TSHZ2: variants seen among roughly 807,000 people sequenced by gnomAD.
TSHZ2 encodes teashirt homolog 2.
A neutral mutation model predicts 74.4 loss-of-function variants in TSHZ2; 21 were observed. The ratio of observed to expected loss-of-function variants is 0.28; its 90% CI spans 0.20 to 0.41. The LOEUF is 0.41. TSHZ2 is among the 10% of genes least tolerant of loss of function. The probability of loss-of-function intolerance (pLI) is 1.00; values close to 1 mark genes in which losing one functional copy is unlikely to be tolerated. For synonymous variants in TSHZ2, 540 were observed against 515.3 expected, an observed-to-expected ratio of 1.05 and a Z score of -0.65; for missense variants, 1,244 against 1,293.5, an observed-to-expected ratio of 0.96 and a Z score of 0.59.
intron 2 of TSHZ2, among the ~76,000 whole-genome samples, chr20:53,405,101 T>C (rs59544165): frequency 0.037 from 5,681 of 152,086 alleles, 348 homozygotes; most frequent in African/African-American, 0.13. Flanking sequence ...ATACAAAAAT[T>C]AGCCAGCTGT....
chr20:53,144,499 GTAA>G (rs1987489041), intron 1 of TSHZ2, among the ~76,000 whole-genome samples: 1 of 152,186 alleles, frequency 6.6e-6, no homozygotes, highest in African/African-American at 2.4e-5. Flanking sequence ...GGTTTCAGTA[GTAA>G]TAACAGCAAA....
At chr20:53,446,459 G>A (rs952421759) in intron 2 of TSHZ2, among the ~76,000 whole-genome samples, 9 of 149,386 alleles carry the variant, frequency 6.0e-5, no homozygotes, top group African/African-American at 1.5e-4. Context: ...CCTGTAGTCC[G>A]TCCCAGCTAC....
At chr20:53,130,730 C>T (rs57555441) in intron 1 of TSHZ2, among the ~76,000 whole-genome samples, 13 of 152,296 alleles carry the variant, frequency 8.5e-5, no homozygotes, top group Admixed American at 5.2e-4. Flanking sequence ...AGATCTCAGT[C>T]GCTGGATTCA....
chr20:53,165,518 A>G (rs1025197337), intron 1 of TSHZ2, among the ~76,000 whole-genome samples: 4 of 152,240 alleles, frequency 2.6e-5, no homozygotes, highest in African/African-American at 4.8e-5. Context: ...CAAAACTGAC[A>G]GGTACCTCAC....
chr20:53,325,956 T>C, intron 2 of TSHZ2, among the ~76,000 whole-genome samples: 1 of 152,100 alleles, frequency 6.6e-6, no homozygotes, highest in East Asian at 1.9e-4. Context: ...TAATTTTTTG[T>C]ATTTTTAGTT....
chr20:53,300,733 G>C (rs1991462982), intron 2 of TSHZ2, among the ~76,000 whole-genome samples: 1 of 152,150 alleles, frequency 6.6e-6, no homozygotes. Flanking sequence ...AAACACTCCA[G>C]TTTCAAATAT....
At chr20:53,305,668 C>G (rs543801197) in intron 2 of TSHZ2, among the ~76,000 whole-genome samples, 1 of 152,096 alleles carries the variant, frequency 6.6e-6, no homozygotes, top group South Asian at 2.1e-4. Flanking sequence ...CTGGGCACCA[C>G]GGATGTACAA....
At chr20:53,250,255 TTAAA>T (rs1990294762) in intron 1 of TSHZ2, among the ~76,000 whole-genome samples, 2 of 152,248 alleles carry the variant, frequency 1.3e-5, no homozygotes, top group South Asian at 4.1e-4. Flanking sequence ...TTTTCTTTCA[TTAAA>T]TAAGTATTCA....
chr20:52,994,152 C>A (rs559606701), intron 1 of TSHZ2, among the ~76,000 whole-genome samples: 32 of 152,234 alleles, frequency 2.1e-4, no homozygotes, highest in Non-Finnish European at 3.4e-4. Context: ...CATTGTTTTC[C>A]GGCCCCTGTG....
chr20:53,002,279 C>A (rs1055132480), intron 1 of TSHZ2, among the ~76,000 whole-genome samples: 1 of 152,198 alleles, frequency 6.6e-6, no homozygotes, highest in African/African-American at 2.4e-5. Context: ...ATCTACCTAG[C>A]CAGGGGTACC....
At chr20:53,051,475 A>ACACACACG (rs1421762175) in intron 1 of TSHZ2, among the ~76,000 whole-genome samples, 1 of 151,796 alleles carries the variant, frequency 6.6e-6, no homozygotes, top group East Asian at 1.9e-4. Flanking sequence ...ACACACACAC[A>ACACACACG]CACACACACA....
At chr20:53,293,017 G>A (rs1162818826) in intron 2 of TSHZ2, among the ~76,000 whole-genome samples, 1 of 152,160 alleles carries the variant, frequency 6.6e-6, no homozygotes, top group Non-Finnish European at 1.5e-5. Flanking sequence ...TAATTAGGTG[G>A]GTAGGGAGTT....
At chr20:53,422,142 G>A (rs1348464206) in intron 2 of TSHZ2, among the ~76,000 whole-genome samples, 6 of 152,104 alleles carry the variant, frequency 3.9e-5, no homozygotes, top group Non-Finnish European at 8.8e-5. Flanking sequence ...GGACTGCCGA[G>A]TTAAGGTTAT....
At chr20:53,481,702 C>T (rs1450400057) in intron 2 of TSHZ2, among the ~76,000 whole-genome samples, 1 of 152,178 alleles carries the variant, frequency 6.6e-6, no homozygotes, top group East Asian at 1.9e-4. Context: ...CCAAAAGCCC[C>T]CACCACTTCC....
intron 2 of TSHZ2, among the ~76,000 whole-genome samples, chr20:53,473,415 A>C (rs1170160831): frequency 7.1e-6 from 1 of 141,066 alleles, no homozygotes; most frequent in East Asian, 2.2e-4. Flanking sequence ...CTCACACGGC[A>C]GGGTATTCCA....
At chr20:53,452,905 C>G (rs1202740653) in intron 2 of TSHZ2, among the ~76,000 whole-genome samples, 2 of 152,152 alleles carry the variant, frequency 1.3e-5, no homozygotes, top group South Asian at 2.1e-4. Flanking sequence ...TGACTAGAAG[C>G]TTCTTGAAGG....
chr20:53,472,675 C>CA (rs1360365961), intron 2 of TSHZ2, among the ~76,000 whole-genome samples: 3 of 151,990 alleles, frequency 2.0e-5, no homozygotes, highest in Admixed American at 6.6e-5. Flanking sequence ...CGAATAGGAA[C>CA]AGCTCCAGTC....
chr20:53,288,439 T>C (rs1991212517), intron 2 of TSHZ2, among the ~76,000 whole-genome samples: 3 of 152,060 alleles, frequency 2.0e-5, no homozygotes, highest in African/African-American at 7.2e-5. Context: ...TAGCTACTGT[T>C]CAATAAGTTT....
intron 1 of TSHZ2, among the ~76,000 whole-genome samples, chr20:53,098,393 C>T (rs1986120419): frequency 1.3e-5 from 2 of 152,180 alleles, no homozygotes; most frequent in Admixed American, 6.5e-5. Flanking sequence ...CCATATGTAA[C>T]AGATGTACGA....
Sources: gnomAD v4.1 joint callset for allele counts (sites outside exome capture counted in the v4.1 genomes callset) on GRCh38, gnomAD v4.1.1 for gene constraint, MANE v1.5 for transcripts, NCBI Gene and HGNC (gene_info 2026-07-23, HGNC 2026-07-21) for gene names.